CNTNAP2: variants seen among roughly 807,000 people sequenced by gnomAD.
CNTNAP2 encodes contactin-associated protein-like 2.
CNTNAP2 carries 98 observed loss-of-function variants against 155.2 expected under a neutral mutation model. That is an observed-to-expected ratio of 0.63 (90% confidence interval 0.54 to 0.75). The LOEUF (loss-of-function observed/expected upper bound fraction) is 0.75. Ranked by LOEUF, CNTNAP2 falls within the 30% of genes least tolerant of loss-of-function variation. CNTNAP2 has a pLI of 0.00. For synonymous variants in CNTNAP2, 651 were observed against 631.2 expected (o/e 1.03, Z -0.47); for missense variants, 1,727 against 1,688.1 (o/e 1.02, Z -0.40).
chr7:148,022,480 A>AAAAAGAAAAAAAGAAAAG (rs748141471), intron 15 of CNTNAP2, among the ~76,000 whole-genome samples: 4,827 of 138,292 alleles, frequency 0.035, 182 homozygotes, highest in East Asian at 0.2. Flanking sequence ...AAAAAAAAAA[A>AAAAAGAAAAAAAGAAAAG]AAAAGAAAAG....
At chr7:146,425,096 A>T (rs2129115224) in intron 1 of CNTNAP2, among the ~76,000 whole-genome samples, 1 of 152,356 alleles carries the variant, frequency 6.6e-6, no homozygotes, top group Non-Finnish European at 1.5e-5. Context: ...AGATTTAAAA[A>T]CAAACTAACA....
At chr7:146,791,997 A>C (rs956395330) in intron 2 of CNTNAP2, among the ~76,000 whole-genome samples, 8 of 152,170 alleles carry the variant, frequency 5.3e-5, no homozygotes, top group African/African-American at 1.9e-4. Flanking sequence ...ATTTCTTCAG[A>C]AGTGTTATCT....
At chr7:146,905,627 T>C (rs1796104616) in intron 3 of CNTNAP2, among the ~76,000 whole-genome samples, 1 of 152,218 alleles carries the variant, frequency 6.6e-6, no homozygotes, top group African/African-American at 2.4e-5. Flanking sequence ...AGAAGTCTAA[T>C]GTGACAGTCA....
intron 1 of CNTNAP2, among the ~76,000 whole-genome samples, chr7:146,181,561 C>CT (rs1026653679): frequency 3.9e-5 from 6 of 152,188 alleles, no homozygotes; most frequent in African/African-American, 1.4e-4. Flanking sequence ...CATCCAATAA[C>CT]TTTTTTTCTC....
rs184241800 is a variant in CNTNAP2, at chr7:146,306,062, G to A, written c.97+189089G>A. On this transcript the variant is annotated intron_variant, in intron 1 of 23. Coordinates refer to ENST00000361727, the MANE Select transcript of CNTNAP2 (RefSeq NM_014141.6). ...AGACGCAATAAAAAATTATAAAGGCGATATCACCACCAATCCCACAGAAAT... is the reference window on the plus strand; with the variant it reads ...AGACGCAATAAAAAATTATAAAGGCAATATCACCACCAATCCCACAGAAAT... 4.6e-5 allele frequency among the ~76,000 whole-genome samples: 7 copies of A among 152,162 alleles called. No homozygotes were observed. The East Asian group carries it at 5.8e-4, about 13-fold the overall frequency.
At chr7:146,490,013 C>A (rs149079540) in intron 1 of CNTNAP2, among the ~76,000 whole-genome samples, 1 of 152,056 alleles carries the variant, frequency 6.6e-6, no homozygotes, top group Non-Finnish European at 1.5e-5. Context: ...CAGAAGAAAG[C>A]GCATCAAATG....
At chr7:147,733,022 A>G (rs901736759) in intron 13 of CNTNAP2, among the ~76,000 whole-genome samples, 8 of 152,120 alleles carry the variant, frequency 5.3e-5, no homozygotes, top group African/African-American at 1.7e-4. Flanking sequence ...TTTTGTGCAG[A>G]AGCTCTTTAG....
At chr7:147,015,683 G>C (rs888677496) in intron 3 of CNTNAP2, among the ~76,000 whole-genome samples, 5 of 151,782 alleles carry the variant, frequency 3.3e-5, no homozygotes, top group Admixed American at 3.3e-4. Flanking sequence ...TCACACATCA[G>C]TTTTTTTTAA....
At chr7:146,707,082 A>G (rs1800979602) in intron 1 of CNTNAP2, among the ~76,000 whole-genome samples, 1 of 152,192 alleles carries the variant, frequency 6.6e-6, no homozygotes, top group Non-Finnish European at 1.5e-5. Context: ...TACATTCACA[A>G]CATTCAATCA....
intron 1 of CNTNAP2, among the ~76,000 whole-genome samples, chr7:146,431,059 T>C (rs1796166704): frequency 6.6e-6 from 1 of 151,984 alleles, no homozygotes; most frequent in South Asian, 2.1e-4. Flanking sequence ...GTGTTAGATG[T>C]AAAATGTTAA....
At position 148,114,266 on chromosome 7, in the gene CNTNAP2, T is replaced by C. The variant is rs148701719; in HGVS notation, c.2384-3852T>C. Among the ~76,000 whole-genome samples the C allele has an allele frequency of 9.2e-5, 14 of 152,374 alleles. No homozygotes were observed. The East Asian group carries it at 2.7e-3, about 29-fold the overall frequency. Reference sequence around the variant, plus strand: ...AGTGGAAGCAGTATCCAGTTATCAGTAGGTGCTAAAGCAGCATTAGTTTTT... The same window carrying C: ...AGTGGAAGCAGTATCCAGTTATCAGCAGGTGCTAAAGCAGCATTAGTTTTT... On this transcript the variant is annotated intron_variant, in intron 15 of 23. Coordinates refer to ENST00000361727, the MANE Select transcript of CNTNAP2 (RefSeq NM_014141.6).
chr7:146,817,984 G>A (rs1478111360), intron 2 of CNTNAP2, among the ~76,000 whole-genome samples: 1 of 152,142 alleles, frequency 6.6e-6, no homozygotes, highest in Admixed American at 6.5e-5. Flanking sequence ...TTATTATTCT[G>A]TGTCACTTCC....
chr7:146,918,248 AT>A (rs1796433252), intron 3 of CNTNAP2, among the ~76,000 whole-genome samples: 2 of 151,538 alleles, frequency 1.3e-5, no homozygotes, highest in South Asian at 2.1e-4. Context: ...ACCTTGGTTT[AT>A]TTTCATTATG....
chr7:147,999,245 G>A (rs1801857702), intron 15 of CNTNAP2, among the ~76,000 whole-genome samples: 1 of 152,014 alleles, frequency 6.6e-6, no homozygotes, highest in Non-Finnish European at 1.5e-5. Flanking sequence ...ACCACACACA[G>A]CTAATTGTTG....
chr7:147,563,357 G>A (rs1234399549), intron 12 of CNTNAP2, among the ~76,000 whole-genome samples: 4 of 152,068 alleles, frequency 2.6e-5, no homozygotes, highest in Non-Finnish European at 2.9e-5. Context: ...TAGACCAGGT[G>A]TGGTGGTTCA....
At chr7:147,234,199 C>T (rs538254110) in intron 8 of CNTNAP2, among the ~76,000 whole-genome samples, 34 of 152,200 alleles carry the variant, frequency 2.2e-4, no homozygotes, top group African/African-American at 8.2e-4. Flanking sequence ...ACTTTTGTGT[C>T]TGTTTTCTAC....
chr7:146,916,938 T>C (rs916325778), intron 3 of CNTNAP2, among the ~76,000 whole-genome samples: 1 of 152,204 alleles, frequency 6.6e-6, no homozygotes, highest in East Asian at 1.9e-4. Context: ...TTTCAGACTT[T>C]CTGATGTAGG....
chr7:147,927,352 T>C (rs980997714), intron 14 of CNTNAP2, among the ~76,000 whole-genome samples: 1 of 152,216 alleles, frequency 6.6e-6, no homozygotes, highest in Non-Finnish European at 1.5e-5. Context: ...TGAAATACTT[T>C]CAGTATTAGT....
At chr7:147,441,848 TCTCCCTCCCTCC>T (rs1554485019) in intron 10 of CNTNAP2, among the ~76,000 whole-genome samples, 2 of 114,378 alleles carry the variant, frequency 1.7e-5, no homozygotes, top group Admixed American at 1.7e-4. Flanking sequence ...TCTCTCTCTC[TCTCCCTCCCTCC>T]CTCCCTCCCT....
Sources: gnomAD v4.1 joint callset for allele counts (sites outside exome capture counted in the v4.1 genomes callset) on GRCh38, gnomAD v4.1.1 for gene constraint, MANE v1.5 for transcripts, NCBI Gene and HGNC (gene_info 2026-07-23, HGNC 2026-07-21) for gene names.